Variants in CLASP2 observed in about 807,000 individuals in gnomAD.
CLASP2 encodes the protein CLIP-associating protein 2.
A neutral mutation model predicts 194.4 loss-of-function variants in CLASP2; 47 were observed. The observed-to-expected ratio is 0.24, with a 90% CI of 0.19 to 0.31. CLASP2 has a LOEUF of 0.31. Ranked by LOEUF, CLASP2 falls within the 10% of genes least tolerant of loss-of-function variation. The probability of loss-of-function intolerance (pLI) is 1.00; values close to 1 mark genes in which losing one functional copy is unlikely to be tolerated. For missense variants in CLASP2, 1,445 were observed against 1,823.6 expected (o/e 0.79, Z 3.78); for synonymous variants, 619 against 633.5 (o/e 0.98, Z 0.34).
At chr3:33,525,768 C>A (rs2054370637) in intron 34 of CLASP2, among the ~76,000 whole-genome samples, 1 of 152,174 alleles carries the variant, frequency 6.6e-6, no homozygotes, top group African/African-American at 2.4e-5. Context: ...GAGGTTAGAC[C>A]CCTGTACATA....
intron 1 of CLASP2, among the ~76,000 whole-genome samples, chr3:33,707,531 T>C (rs1290916131): frequency 2.0e-5 from 3 of 152,116 alleles, no homozygotes; most frequent in Non-Finnish European, 2.9e-5. Flanking sequence ...CTCTAATGAA[T>C]TAACAGATCT....
At chr3:33,672,192 C>G (rs2087415780) in intron 6 of CLASP2, among the ~76,000 whole-genome samples, 1 of 152,168 alleles carries the variant, frequency 6.6e-6, no homozygotes, top group Non-Finnish European at 1.5e-5. Context: ...GGGAGGCACC[C>G]CTCAGTAAGG....
At chr3:33,688,189 A>C in intron 4 of CLASP2, 88 bp downstream of exon 4, 2 of 911,876 alleles carry the variant, frequency 2.2e-6, no homozygotes, top group Non-Finnish European at 3.3e-6. Flanking sequence ...ATGTGTTATT[A>C]CCATAGCTTT....
At chr3:33,588,614 G>A in intron 21 of CLASP2, 2 of 670,680 alleles carry the variant, frequency 3.0e-6, no homozygotes, top group Middle Eastern at 3.4e-4. Context: ...AGACTATGAC[G>A]TTAAGAATTT....
Position 33,696,849 on chromosome 3 carries a change from A to G in CLASP2, c.274+6T>C. 1 of 1,554,284 alleles carries G rather than the reference A, an allele frequency of 6.4e-7. No individual in the cohort carries two copies. Among genetic ancestry groups the G allele is most frequent in the Non-Finnish European group, 8.8e-7 (1 of 1,138,956 alleles). ...TTAGAATTGTAAATAAACAAAGTTA[A>G]CTTACCCATTGCTACATAGGATTTA... is the stretch of plus-strand genomic sequence containing the variant. On this transcript the variant is annotated splice_donor_region_variant and intron_variant, in intron 2 of 38. Coordinates refer to ENST00000682230, the MANE Select transcript of CLASP2 (RefSeq NM_001365631.1).
Position 33,659,119 on chromosome 3 carries a change from C to G in CLASP2, c.715+4326G>C, listed in dbSNP as rs529829788. 21 of 1,448,114 alleles carry G rather than the reference C, an allele frequency of 1.5e-5. No individual in the cohort carries two copies. In the South Asian group the frequency reaches 2.8e-4, roughly 19 times the overall value. The allele number at this position is 1,448,114 out of a possible 1,614,324, so 89.7% of individuals were successfully genotyped here. On this transcript the variant is annotated intron_variant, in intron 7 of 38. Coordinates refer to ENST00000682230, the MANE Select transcript of CLASP2 (RefSeq NM_001365631.1). Reference sequence around the variant, plus strand: ...CCGGAGCACTGTGTGACCCAGGCCTCGCTGCAGCTCTGCACCGCAATAGCC... The same window carrying G: ...CCGGAGCACTGTGTGACCCAGGCCTGGCTGCAGCTCTGCACCGCAATAGCC...
intron 6 of CLASP2, among the ~76,000 whole-genome samples, chr3:33,666,267 T>C (rs947138046): frequency 6.6e-6 from 1 of 152,202 alleles, no homozygotes; most frequent in Admixed American, 6.5e-5. Context: ...TTTTAGTATA[T>C]CTGCAGAGTT....
In CLASP2 at chr3:33,603,063, T is replaced by C; in HGVS notation, c.1813A>G (p.Ile605Val). 2 of 1,599,484 alleles carry C rather than the reference T, an allele frequency of 1.3e-6. No individual in the cohort carries two copies. The highest frequency in any genetic ancestry group is 1.7e-6 in the Non-Finnish European group (2 of 1,172,558). ...GCACCTGCAGCAGCATTCACATCAA[T>C]GTCACTTCGTGAACGCTGCAGGCTT... The part of the protein sequence containing the change: ...PGSLQRSRSD[I>V]DVNAAAGAKA... The change falls in exon 18 of 39, where the codon ATT becomes GTT. Residue 605 changes from isoleucine to valine, a missense_variant. Transcript: ENST00000682230.
chr3:33,550,418 TAGA>T (rs2059833367), intron 30 of CLASP2, among the ~76,000 whole-genome samples: 2 of 115,756 alleles, frequency 1.7e-5, no homozygotes, highest in African/African-American at 3.4e-5. Flanking sequence ...AAAAAAAAGA[TAGA>T]AGAAGTAAAC....
intron 6 of CLASP2, among the ~76,000 whole-genome samples, chr3:33,666,409 A>G (rs946525419): frequency 4.6e-5 from 7 of 152,166 alleles, no homozygotes; most frequent in Non-Finnish European, 2.9e-5. Context: ...CCTTTCTCTA[A>G]AGACTATATC....
chr3:33,570,484 A>T (rs2154191798), intron 26 of CLASP2, among the ~76,000 whole-genome samples: 1 of 152,338 alleles, frequency 6.6e-6, no homozygotes, highest in South Asian at 2.1e-4. Flanking sequence ...ACTTGACTAA[A>T]TTACTTGAGT....
Position 33,520,820 on chromosome 3 carries a change from TACACACACACAC to T in CLASP2, c.3788-3658_3788-3647del, listed in dbSNP as rs57151303. Among the ~76,000 whole-genome samples, 1,033 of 142,522 alleles carry T rather than the reference TACACACACACAC, an allele frequency of 7.2e-3. 6 individuals are homozygous for T. The highest frequency in any genetic ancestry group is 0.015 in the African/African-American group (569 of 38,130). The allele number at this position is 142,522 out of a possible 152,430, so 93.5% of individuals were successfully genotyped here. On this transcript the variant is annotated intron_variant, in intron 34 of 38. Transcript: ENST00000682230. ...ATATGGAAACAGAGATGTAAATCTC[TACACACACACAC>T]ACACACACACACACACACACACACA...
At chr3:33,592,651 A>G in intron 20 of CLASP2, 155 bp from the exon 21 acceptor site, 1 of 701,644 alleles carries the variant, frequency 1.4e-6, no homozygotes, top group Non-Finnish European at 2.5e-6. Context: ...TTTTATAAAC[A>G]GTAATTTTTT....
chr3:33,643,480 T>G (rs1012628570), intron 8 of CLASP2, among the ~76,000 whole-genome samples: 1 of 151,758 alleles, frequency 6.6e-6, no homozygotes, highest in Non-Finnish European at 1.5e-5. Context: ...TAACTAACAT[T>G]TGGATGAGAA....
Position 33,560,823 on chromosome 3 carries a change from G to C in CLASP2, c.2915C>G (p.Ala972Gly), listed in dbSNP as rs1456431952. The stretch of plus-strand genomic sequence containing the variant: ...AAAATATTACCTTGTAACATCAAGG[G>C]CTTTCTGAACTTTTGCCTGAACAGA... ...LGSVQAKVQKALDVTRESFPN... is the reference protein window; with the variant it reads ...LGSVQAKVQKGLDVTRESFPN... The change falls in exon 28 of 39, where the codon GCC (alanine) becomes GGC (glycine). Residue 972 changes from alanine (A) to glycine (G), a missense_variant. Ala to Gly is a moderately conservative substitution (Grantham distance 60). This residue lies in a region of CLASP2 where 732 missense variants were observed against 987.9 expected (regional missense o/e 0.74). Transcript: ENST00000682230. 1.9e-6 allele frequency: 3 copies of C among 1,613,478 alleles called. No individual in the cohort carries two copies. Among genetic ancestry groups the C allele is most frequent in the South Asian group, 2.2e-5 (2 of 91,016 alleles).
chr3:33,586,247 G>T (rs1392761873), intron 21 of CLASP2, among the ~76,000 whole-genome samples: 1 of 151,888 alleles, frequency 6.6e-6, no homozygotes, highest in Non-Finnish European at 1.5e-5. Flanking sequence ...TGATTCTCCT[G>T]CCTCAGATTC....
rs186087439 is a variant in CLASP2, at chr3:33,645,236, C to T, written c.716-333G>A. ...GCCAGCTCCTCCCATAGTGTATCTT[C>T]TAGCACGCCCTGCCTTATTCCTTAT... On this transcript the variant is annotated intron_variant, in intron 7 of 38. Coordinates refer to ENST00000682230, the MANE Select transcript of CLASP2 (RefSeq NM_001365631.1). 161 of 765,062 alleles carry T rather than the reference C, an allele frequency of 2.1e-4. No homozygotes were observed. In the African/African-American group the frequency reaches 2.4e-3, roughly 11 times the overall value. 47.4% of individuals were successfully genotyped at this position (765,062 alleles called of 1,614,324 possible).
chr3:33,658,811 T>C lies in CLASP2; in HGVS notation c.715+4634A>G, dbSNP rs186889980. Among the ~76,000 whole-genome samples the C allele has an allele frequency of 2.3e-3, 351 of 152,330 alleles. 2 individuals are homozygous for C. The highest frequency in any genetic ancestry group is 3.7e-3 in the Non-Finnish European group (253 of 68,036). ...AAGTGAAAAAAGATGTCAAATGACA[T>C]GCACACACATGCATAAATGTACACA... On this transcript the variant is annotated intron_variant, in intron 7 of 38. Transcript: ENST00000682230.
chr3:33,574,558 GCA>G, intron 24 of CLASP2: 2 of 1,038,270 alleles, frequency 1.9e-6, no homozygotes, highest in Non-Finnish European at 2.8e-6. Context: ...TTGCTAATCA[GCA>G]CAGTGAAATA....
Sources: allele counts gnomAD v4.1 joint callset (sites outside exome capture counted in the v4.1 genomes callset), GRCh38; gene constraint gnomAD v4.1.1; regional missense constraint gnomAD v4.1.1; transcripts MANE v1.5; gene names NCBI Gene and HGNC (gene_info 2026-07-23, HGNC 2026-07-21).